STOX2: variants seen among roughly 807,000 people sequenced by gnomAD.
The protein encoded by STOX2 is storkhead box 2, also known as storkhead-box protein 2.
Under a neutral mutation model 60.9 loss-of-function variants are expected in STOX2, and 28 were observed. The ratio of observed to expected loss-of-function variants is 0.46; its 90% confidence interval spans 0.34 to 0.63. The LOEUF (loss-of-function observed/expected upper bound fraction) is 0.63, where lower values mean the gene tolerates loss of function less well. Among genes scored for constraint, STOX2 ranks in the 30% least tolerant of loss-of-function variants. The probability of loss-of-function intolerance (pLI) is 0.01; values close to 1 mark genes in which losing one functional copy is unlikely to be tolerated. For synonymous variants in STOX2, 472 were observed against 463.9 expected (o/e 1.02, Z -0.22); for missense variants, 1,024 against 1,187.7 (o/e 0.86, Z 2.03).
chr4:183,968,709 C>T (rs934362242), intron 1 of STOX2, among the ~76,000 whole-genome samples: 2 of 147,734 alleles, frequency 1.4e-5, no homozygotes, highest in Non-Finnish European at 3.0e-5. Flanking sequence ...ATCTTTGTTG[C>T]CAGGGGATGT....
chr4:183,990,582 T>G (rs1047714733), intron 1 of STOX2, among the ~76,000 whole-genome samples: 1 of 14,692 alleles, frequency 6.8e-5, no homozygotes, highest in South Asian at 1.3e-3. Flanking sequence ...AGCAGGATTT[T>G]TTTTTTTTTT....
rs1741587751 is a variant in STOX2 at position 183,906,096 on chromosome 4, C to T, written c.-695C>T. ...GCAGCTGCTGTCTGCAGAGCCTGCT[C>T]GGATCCTGTGCACACGCGCCCCCCG... On this transcript the variant is annotated 5_prime_UTR_variant, in exon 1 of 4. Transcript: ENST00000308497. The T allele has an allele frequency of 6.6e-6, 1 of 152,048 alleles. No individual in the cohort carries two copies. Among genetic ancestry groups the T allele is most frequent in the South Asian group, 2.1e-4 (1 of 4,814 alleles). 9.4% of individuals were successfully genotyped at this position (152,048 alleles called of 1,614,324 possible).
At chr4:183,887,227 G>A (rs1741104101) in intron 1 of STOX2, among the ~76,000 whole-genome samples, 1 of 151,756 alleles carries the variant, frequency 6.6e-6, no homozygotes, top group African/African-American at 2.4e-5. Context: ...CTGTGCCATT[G>A]CACTCCAGCC....
At chr4:183,963,687 A>G (rs1462570672) in intron 1 of STOX2, among the ~76,000 whole-genome samples, 2 of 151,934 alleles carry the variant, frequency 1.3e-5, no homozygotes, top group African/African-American at 4.8e-5. Context: ...CGGCCTCCCA[A>G]AGTGCTGGGA....
chr4:183,843,435 A>G (rs1462390754), intron 1 of STOX2, among the ~76,000 whole-genome samples: 1 of 152,200 alleles, frequency 6.6e-6, no homozygotes, highest in Non-Finnish European at 1.5e-5. Flanking sequence ...ACAAATGTAG[A>G]CAGAAACATT....
rs781223206 is a variant in STOX2, at chr4:184,017,164, G to A, written c.2661G>A (p.Pro887=). 1.1e-5 allele frequency: 17 copies of A among 1,613,556 alleles called. No homozygotes were observed. The highest frequency in any genetic ancestry group is 4.0e-5 in the African/African-American group (3 of 74,876). ...SNRRQNPALS[P]AHGGAGPAFN... ...GTCGTCAGAACCCCGCTTTGAGCCC[G>A]GCCCATGGTGGAGCTGGTCCAGCCT... The change falls in exon 4 of 4, where the codon CCG becomes CCA. Residue 887 remains proline (P), a synonymous_variant. Transcript: ENST00000308497.
intron 3 of STOX2, among the ~76,000 whole-genome samples, chr4:184,013,461 A>G (rs1356877288): frequency 6.6e-6 from 1 of 152,228 alleles, no homozygotes; most frequent in Non-Finnish European, 1.5e-5. Flanking sequence ...CCTTCACACA[A>G]TAGCCGCATG....
At chr4:183,878,292 GA>G (rs1470759174) in intron 1 of STOX2, among the ~76,000 whole-genome samples, 7 of 152,180 alleles carry the variant, frequency 4.6e-5, no homozygotes, top group African/African-American at 7.2e-5. Context: ...CCAGGAATAA[GA>G]AAAACTAAAA....
rs1295931837 is a variant in STOX2, at chr4:183,906,174, C to G, written c.-617C>G. The G allele has an allele frequency of 6.6e-6, 1 of 152,426 alleles. No homozygotes were observed. Among genetic ancestry groups the G allele is most frequent in the African/African-American group, 2.4e-5 (1 of 41,450 alleles). 9.4% of individuals were successfully genotyped at this position (152,426 alleles called of 1,614,324 possible). A position where few individuals can be genotyped will look rare whatever the true frequency, so the allele number is the denominator to read the frequency against. The stretch of plus-strand genomic sequence containing the variant: ...CCCGGGGACTGCAGCGGAGGCAGAG[C>G]CAGCCAGCGCCGGGGACTGCGGGCC... On this transcript the variant is annotated 5_prime_UTR_variant, in exon 1 of 4. Transcript: ENST00000308497.
chr4:183,815,009 T>C lies in STOX2; in HGVS notation c.364+16954T>C, dbSNP rs902255227. 3.3e-5 allele frequency among the ~76,000 whole-genome samples: 5 copies of C among 151,254 alleles called. No homozygotes were observed. The East Asian group carries it at 9.6e-4, about 29-fold the overall frequency. Reference sequence around the variant, plus strand: ...GAATATTTTATTTTATTTTATTTTATTTTTTTTCAAGACAAGGTTTCGCTC... The same window carrying C: ...GAATATTTTATTTTATTTTATTTTACTTTTTTTCAAGACAAGGTTTCGCTC... On this transcript the variant is annotated intron_variant, in intron 1 of 2. Coordinates refer to the STOX2 transcript ENST00000513034.
chr4:183,969,268 G>A (rs1000328892), intron 1 of STOX2, among the ~76,000 whole-genome samples: 2 of 152,192 alleles, frequency 1.3e-5, no homozygotes, highest in African/African-American at 4.8e-5. Context: ...GCAAGGATGG[G>A]ATAAAAGTAA....
In STOX2 at chr4:183,927,859, T is replaced by C. The variant is rs528274506; in HGVS notation, c.166+20903T>C. Among the ~76,000 whole-genome samples, 3 of 152,284 alleles carry C rather than the reference T, an allele frequency of 2.0e-5. No individual in the cohort carries two copies. The South Asian group carries it at 6.2e-4, about 32-fold the overall frequency. The stretch of plus-strand genomic sequence containing the variant: ...TTAGGAGGAGAACAGACTTACCCTG[T>C]TTCTCCACTTGCAGGTAAGTGAGCA... On this transcript the variant is annotated intron_variant, in intron 1 of 3. Coordinates refer to ENST00000308497, the MANE Select transcript of STOX2 (RefSeq NM_020225.3).
intron 1 of STOX2, among the ~76,000 whole-genome samples, chr4:183,894,444 A>G (rs957972174): frequency 9.2e-5 from 14 of 152,204 alleles, no homozygotes; most frequent in African/African-American, 3.4e-4. Flanking sequence ...CTATATTAGC[A>G]TTAGAAATGT....
At chr4:183,948,090 C>T (rs1423794158) in intron 1 of STOX2, among the ~76,000 whole-genome samples, 10 of 151,800 alleles carry the variant, frequency 6.6e-5, no homozygotes, top group African/African-American at 1.5e-4. Flanking sequence ...TGGTGGCTCA[C>T]GCCTGTAATC....
intron 1 of STOX2, among the ~76,000 whole-genome samples, chr4:183,878,403 C>T (rs765896473): frequency 2.6e-5 from 4 of 152,064 alleles, no homozygotes; most frequent in Non-Finnish European, 5.9e-5. Context: ...TGGTTTTGGC[C>T]ACGGAAAAGC....
At position 183,933,991 on chromosome 4, in the gene STOX2, T is replaced by C. The variant is rs559777886; in HGVS notation, c.166+27035T>C. Among the ~76,000 whole-genome samples, 157 of 152,200 alleles carry C rather than the reference T, an allele frequency of 1.0e-3. 1 individual carries two copies. The highest frequency in any genetic ancestry group is 1.8e-3 in the Non-Finnish European group (120 of 68,028). On this transcript the variant is annotated intron_variant, in intron 1 of 3. Transcript: ENST00000308497. ...GCTGGAAGAATTAAGAAATTCAGAC[T>C]TGATTCTATCTATTTAAAGATGTAA... is the stretch of plus-strand genomic sequence containing the variant.
chr4:184,011,001 G>T lies in STOX2; in HGVS notation c.2163G>T (p.Leu721=). ...LSVNSYHKSS[L]SLLKSHPKTP... is the part of the protein sequence containing the mutation. Reference sequence around the variant, plus strand: ...TAAACAGCTATCACAAGTCGAGCCTGTCCCTCCTCAAATCTCACCCGAAGA... The same window carrying T: ...TAAACAGCTATCACAAGTCGAGCCTTTCCCTCCTCAAATCTCACCCGAAGA... Residue 721 remains leucine (L), a synonymous_variant, in exon 3 of 4, where the codon CTG becomes CTT. Transcript: ENST00000308497. This position sits in a 1 kb window ranked among gnomAD's most constrained non-coding sequence, Gnocchi z 4.4. The T allele has an allele frequency of 6.2e-7, 1 of 1,613,498 alleles. No individual in the cohort carries two copies. The highest frequency in any genetic ancestry group is 8.5e-7 in the Non-Finnish European group (1 of 1,179,664).
rs1352018720 is a variant in STOX2 at position 183,948,336 on chromosome 4, T to G, written c.166+41380T>G. The stretch of plus-strand genomic sequence containing the variant: ...AGCCAATAGAGAATCAATTTTTAGG[T>G]TGCGCATTTATTATTTGTCCTTAAA... On this transcript the variant is annotated intron_variant, in intron 1 of 3. Transcript: ENST00000308497. 4.6e-5 allele frequency among the ~76,000 whole-genome samples: 7 copies of G among 151,298 alleles called. No homozygotes were observed. In the East Asian group the frequency reaches 1.2e-3, roughly 25 times the overall value.
rs1739389647 is a variant in STOX2, at chr4:183,825,038, T to C, written c.364+26983T>C. ...CCTATCTCCTCACACAATCTTGGGCTTGGGGATCGGGGAGGAACATGGTGG... is the reference window on the plus strand; with the variant it reads ...CCTATCTCCTCACACAATCTTGGGCCTGGGGATCGGGGAGGAACATGGTGG... On this transcript the variant is annotated intron_variant, in intron 1 of 2. Transcript: ENST00000513034. This position sits in a 1 kb window ranked among gnomAD's most constrained non-coding sequence, Gnocchi z 4.1. 6.6e-6 allele frequency among the ~76,000 whole-genome samples: 1 copy of C among 152,160 alleles called. No individual in the cohort carries two copies. Among genetic ancestry groups the C allele is most frequent in the African/African-American group, 2.4e-5 (1 of 41,448 alleles).
Sources: gnomAD v4.1 joint callset for allele counts (sites outside exome capture counted in the v4.1 genomes callset) on GRCh38, gnomAD v4.1.1 for gene constraint, Gnocchi (gnomAD v3.1) non-coding constraint, MANE v1.5 for transcripts, NCBI Gene and HGNC (gene_info 2026-07-23, HGNC 2026-07-21) for gene names.